The following AOPEP variants were observed in gnomAD, a reference collection of about 807,000 sequenced individuals.
AOPEP encodes aminopeptidase O (putative).
AOPEP carries 77 observed loss-of-function variants against 98.1 expected under a neutral mutation model. The observed-to-expected ratio is 0.78, with a 90% confidence interval of 0.65 to 0.95. The LOEUF (loss-of-function observed/expected upper bound fraction) is 0.95, where lower values mean the gene tolerates loss of function less well. AOPEP is among the 40% of genes least tolerant of loss of function. The pLI is 0.00. For synonymous variants in AOPEP, 346 were observed against 365.3 expected, an observed-to-expected ratio of 0.95 and a Z score of 0.60; for missense variants, 1,024 against 1,024.7, an observed-to-expected ratio of 1.00 and a Z score of 0.01.
At chr9:95,096,750 CAT>C in the AOPEP span, among the ~76,000 whole-genome samples, 1 of 152,246 alleles carries the variant, frequency 6.6e-6, no homozygotes, top group Admixed American at 6.5e-5. Flanking sequence ...CAGCCCCACC[CAT>C]GTTTCCCTTC....
chr9:95,083,510 G>A (rs557542136), intron 16 of AOPEP, among the ~76,000 whole-genome samples: 2 of 138,982 alleles, frequency 1.4e-5, no homozygotes, highest in East Asian at 2.1e-4. Flanking sequence ...CAGAGCACCT[G>A]GAGCACCCAC....
intron 5 of AOPEP, chr9:94,904,476 A>G (rs574045236): frequency 1.3e-5 from 2 of 152,308 alleles, no homozygotes; most frequent in Non-Finnish European, 2.9e-5. Context: ...TGGGCTTTTT[A>G]AAAAGTCTTC....
At chr9:94,858,473 G>T (rs1384719323) in intron 5 of AOPEP, among the ~76,000 whole-genome samples, 1 of 152,274 alleles carries the variant, frequency 6.6e-6, no homozygotes, top group South Asian at 2.1e-4. Context: ...TGGCAGCAGG[G>T]CCACACTCCC....
At chr9:94,785,858 C>G (rs1187574946) in intron 3 of AOPEP, among the ~76,000 whole-genome samples, 1 of 152,174 alleles carries the variant, frequency 6.6e-6, no homozygotes, top group East Asian at 1.9e-4. Flanking sequence ...AAAGTAAACA[C>G]CATTTAAATA....
intron 5 of AOPEP, among the ~76,000 whole-genome samples, chr9:94,891,954 T>C (rs2136070027): frequency 6.6e-6 from 1 of 152,326 alleles, no homozygotes; most frequent in Middle Eastern, 3.4e-3. Flanking sequence ...TCCCCATTAT[T>C]TCTGAAAGGA....
At chr9:95,008,685 C>A (rs1229849391) in intron 13 of AOPEP, among the ~76,000 whole-genome samples, 1 of 151,942 alleles carries the variant, frequency 6.6e-6, no homozygotes, top group Non-Finnish European at 1.5e-5. Flanking sequence ...GTAAAGTGCT[C>A]TGCCGGCCTT....
the AOPEP span, chr9:95,123,643 T>G: frequency 8.1e-6 from 5 of 618,608 alleles, no homozygotes; most frequent in South Asian, 6.8e-5. Flanking sequence ...AATTCATCAT[T>G]GGAAACACAG....
At chr9:94,924,278 G>A (rs1052316765) in intron 6 of AOPEP, 103 bp downstream of exon 6, 4 of 969,972 alleles carry the variant, frequency 4.1e-6, no homozygotes. Context: ...CTATGCACTA[G>A]GCACAAATTT....
chr9:94,921,674 C>G (rs1481891202), intron 5 of AOPEP, among the ~76,000 whole-genome samples: 1 of 152,106 alleles, frequency 6.6e-6, no homozygotes, highest in Admixed American at 6.5e-5. Flanking sequence ...TTAAAAGAAG[C>G]CTTTTCCTTC....
At chr9:94,917,250 A>G (rs2052970205) in intron 5 of AOPEP, among the ~76,000 whole-genome samples, 1 of 151,502 alleles carries the variant, frequency 6.6e-6, no homozygotes, top group African/African-American at 2.4e-5. Context: ...AGCCTTCTGT[A>G]TGGTCTGCAG....
chr9:94,978,637 G>C (rs2138662332), intron 10 of AOPEP, among the ~76,000 whole-genome samples: 1 of 152,290 alleles, frequency 6.6e-6, no homozygotes, highest in East Asian at 1.9e-4. Context: ...GAGTTACCTG[G>C]AAGAGGTTGA....
At chr9:94,823,198 G>A (rs1853663777) in intron 5 of AOPEP, among the ~76,000 whole-genome samples, 1 of 152,086 alleles carries the variant, frequency 6.6e-6, no homozygotes, top group South Asian at 2.1e-4. Context: ...GTTTCTCCGT[G>A]TTGGTCAGTC....
chr9:95,040,523 T>G (rs2065196470), intron 13 of AOPEP, among the ~76,000 whole-genome samples: 1 of 152,208 alleles, frequency 6.6e-6, no homozygotes, highest in Non-Finnish European at 1.5e-5. Context: ...CATTTCCCCC[T>G]GGGCTGCCTC....
At chr9:94,742,283 A>G (rs1366168909) in intron 1 of AOPEP, among the ~76,000 whole-genome samples, 1 of 152,166 alleles carries the variant, frequency 6.6e-6, no homozygotes, top group Non-Finnish European at 1.5e-5. Context: ...TGTTGAGGGG[A>G]TGGTAGCAGA....
rs575071224 is a variant in AOPEP, at chr9:94,903,410, C to CTG, written c.1365-20573_1365-20572dup. On this transcript the variant is annotated intron_variant, in intron 5 of 16. Coordinates refer to ENST00000375315, the MANE Select transcript of AOPEP (RefSeq NM_001193329.3). The stretch of plus-strand genomic sequence containing the variant: ...TGGGGGAAAGTGGTAGCAAATGGAT[C>CTG]TGTGATAGCAGGTGTCATCCTCATC... Among the ~76,000 whole-genome samples the CTG allele has an allele frequency of 1.9e-4, 29 of 152,172 alleles. No individual in the cohort carries two copies. The East Asian group carries it at 5.4e-3, about 29-fold the overall frequency.
At chr9:94,922,236 G>C (rs1254323229) in intron 5 of AOPEP, among the ~76,000 whole-genome samples, 2 of 152,226 alleles carry the variant, frequency 1.3e-5, no homozygotes, top group African/African-American at 4.8e-5. Flanking sequence ...CAGGTCCCCG[G>C]ACAGTGGAGG....
intron 14 of AOPEP, among the ~76,000 whole-genome samples, chr9:95,079,085 G>A (rs1048918863): frequency 2.0e-5 from 3 of 152,206 alleles, no homozygotes; most frequent in African/African-American, 7.2e-5. Flanking sequence ...CCTCCCAGAG[G>A]CATGCCACTT....
At chr9:94,728,473 C>T (rs937387128) in intron 1 of AOPEP, among the ~76,000 whole-genome samples, 29 of 152,040 alleles carry the variant, frequency 1.9e-4, no homozygotes, top group Admixed American at 7.9e-4. Flanking sequence ...CTCAGGATGC[C>T]GAGTAGATTT....
chr9:94,726,895 C>G (rs1322053008), intron 1 of AOPEP, 144 bp downstream of exon 1: 2 of 152,634 alleles, frequency 1.3e-5, no homozygotes, highest in African/African-American at 4.8e-5. Context: ...GACCCGCATC[C>G]CCTCCTCAGT....
Sources: gnomAD v4.1 joint callset for allele counts (sites outside exome capture counted in the v4.1 genomes callset) on GRCh38, gnomAD v4.1.1 for gene constraint, MANE v1.5 for transcripts, NCBI Gene and HGNC (gene_info 2026-07-23, HGNC 2026-07-21) for gene names.